The following UBE2D3 variants were observed in gnomAD, a reference collection of about 807,000 sequenced individuals.
The protein encoded by UBE2D3 is ubiquitin conjugating enzyme E2 D3.
UBE2D3 carries 2 observed loss-of-function variants against 22.8 expected under a neutral mutation model. That is an observed-to-expected ratio of 0.09 (90% confidence interval 0.04 to 0.28). UBE2D3 has a LOEUF of 0.28. UBE2D3 is among the 10% of genes least tolerant of loss of function. The pLI, the probability that UBE2D3 is intolerant of heterozygous loss-of-function variation, is 1.00. For synonymous variants in UBE2D3, 56 were observed against 60.4 expected, an observed-to-expected ratio of 0.93 and a Z score of 0.34; for missense variants, 27 against 182.5, an observed-to-expected ratio of 0.15 and a Z score of 4.91.
chr4:102,836,113 C>G (rs1731380157), intron 1 of UBE2D3, among the ~76,000 whole-genome samples: 1 of 151,280 alleles, frequency 6.6e-6, no homozygotes. Flanking sequence ...TATCCATTCA[C>G]CAGTCAGTGG....
chr4:102,826,637 C>A lies in UBE2D3; in HGVS notation c.-128-1G>T. The A allele has an allele frequency of 6.4e-7, 1 of 1,570,902 alleles. No homozygotes were observed. The highest frequency in any genetic ancestry group is 1.9e-5 in the Admixed American group (1 of 52,250). On this transcript the variant is annotated splice_acceptor_variant, in intron 1 of 7. Coordinates refer to ENST00000453744, the MANE Select transcript of UBE2D3 (RefSeq NM_181891.3). LOFTEE classifies it low-confidence loss of function (5UTR_SPLICE). ...CACCAGCTCTGCCAGACACAGGCGCCTTTTGCAAAAACGGAGCAGATCAGC... is the reference window on the plus strand; with the variant it reads ...CACCAGCTCTGCCAGACACAGGCGCATTTTGCAAAAACGGAGCAGATCAGC...
intron 1 of UBE2D3, chr4:102,827,172 CCGCGCGCGCCCGCCCAGCCACCTCCACCA>C (rs1244567276): frequency 1.0e-6 from 1 of 986,910 alleles, no homozygotes; most frequent in Non-Finnish European, 1.2e-6. Context: ...CAGCGCGCTC[CCGCGCGCGCCCGCCCAGCCACCTCCACCA>C]CGCGCCCGCG....
intron 1 of UBE2D3, among the ~76,000 whole-genome samples, chr4:102,832,712 G>GT (rs1295037407): frequency 6.6e-6 from 1 of 152,132 alleles, no homozygotes; most frequent in African/African-American, 2.4e-5. Flanking sequence ...TTATTAGAAT[G>GT]TTACAATAAA....
At position 102,802,545 on chromosome 4, in the gene UBE2D3, G is replaced by C; in HGVS notation, c.198+16C>G. On this transcript the variant is annotated intron_variant, in intron 5 of 7. Coordinates refer to ENST00000453744, the MANE Select transcript of UBE2D3 (RefSeq NM_181891.3). ...GCATAAATCTATACTAACAGATTTT[G>C]AGGGAAAATACTTGCCTTAGGTGGT... 1 of 1,588,930 alleles carries C rather than the reference G, an allele frequency of 6.3e-7. No individual in the cohort carries two copies. The highest frequency in any genetic ancestry group is 8.6e-7 in the Non-Finnish European group (1 of 1,165,738).
intron 2 of UBE2D3, 99 bp downstream of exon 2, chr4:102,826,384 GGT>G: frequency 7.1e-7 from 1 of 1,410,334 alleles, no homozygotes; most frequent in African/African-American, 1.4e-5. Flanking sequence ...TGATCCAAGA[GGT>G]ATTTTCAGAA....
chr4:102,864,513 A>G (rs917287850), intron 1 of UBE2D3, among the ~76,000 whole-genome samples: 2 of 152,210 alleles, frequency 1.3e-5, no homozygotes, highest in Non-Finnish European at 2.9e-5. Context: ...GCCAGAGTAA[A>G]GGGTCATTCA....
intron 1 of UBE2D3, among the ~76,000 whole-genome samples, chr4:102,840,927 G>A (rs559511190): frequency 4.9e-4 from 75 of 151,994 alleles, no homozygotes; most frequent in Admixed American, 9.2e-4. Context: ...TGAGGCAGGA[G>A]AATCGCTTGA....
At chr4:102,841,176 TGAG>T (rs572834082) in intron 1 of UBE2D3, among the ~76,000 whole-genome samples, 17 of 152,288 alleles carry the variant, frequency 1.1e-4, no homozygotes, top group Middle Eastern at 3.4e-3. Flanking sequence ...TATTTTTAAA[TGAG>T]GAGGGAATAC....
intron 1 of UBE2D3, among the ~76,000 whole-genome samples, chr4:102,852,066 G>A (rs1732387271): frequency 6.6e-6 from 1 of 151,928 alleles, no homozygotes; most frequent in Non-Finnish European, 1.5e-5. Flanking sequence ...TTGGCCCATG[G>A]GTCGTAAGTG....
intron 2 of UBE2D3, 148 bp from the exon 3 acceptor site, chr4:102,810,003 G>A: frequency 1.4e-6 from 1 of 690,314 alleles, no homozygotes; most frequent in Non-Finnish European, 2.5e-6. Flanking sequence ...TTAGGAGAGA[G>A]AACATGCCTG....
intron 1 of UBE2D3, among the ~76,000 whole-genome samples, chr4:102,863,330 C>T (rs910780355): frequency 5.9e-5 from 9 of 152,048 alleles, no homozygotes; most frequent in East Asian, 5.8e-4. Flanking sequence ...GGATTACAGG[C>T]GTGAGCCACC....
chr4:102,822,223 A>C (rs1729729571), intron 2 of UBE2D3, among the ~76,000 whole-genome samples: 1 of 152,222 alleles, frequency 6.6e-6, no homozygotes, highest in Non-Finnish European at 1.5e-5. Context: ...AGTGTCAGTA[A>C]TGCATCCTTT....
intron 6 of UBE2D3, among the ~76,000 whole-genome samples, chr4:102,800,116 A>T (rs1289151258): frequency 6.6e-6 from 1 of 152,076 alleles, no homozygotes; most frequent in Non-Finnish European, 1.5e-5. Context: ...GTCAAGCATT[A>T]AGGAACATAG....
chr4:102,837,753 C>T (rs367791875), intron 1 of UBE2D3, among the ~76,000 whole-genome samples: 13 of 152,284 alleles, frequency 8.5e-5, no homozygotes, highest in East Asian at 5.8e-4. Flanking sequence ...AGATCGAGAC[C>T]ATCCTGGCTA....
upstream of UBE2D3, chr4:102,828,287 G>T (rs223388): frequency 2.0e-6 from 2 of 984,190 alleles, no homozygotes. Flanking sequence ...GTCTAGCTCG[G>T]GCCGGGATTT....
At chr4:102,856,860 T>TACAGAG (rs1333730641) in intron 1 of UBE2D3, among the ~76,000 whole-genome samples, 1 of 152,150 alleles carries the variant, frequency 6.6e-6, no homozygotes, top group Non-Finnish European at 1.5e-5. Flanking sequence ...AAGGCAAAAC[T>TACAGAG]ACAGAGACAA....
chr4:102,798,999 G>T, intron 7 of UBE2D3: 1 of 1,599,206 alleles, frequency 6.3e-7, no homozygotes. Flanking sequence ...AGTACACTTA[G>T]CATTAATTAT....
chr4:102,828,852 C>T (rs1229591570), upstream of UBE2D3, among the ~76,000 whole-genome samples: 3 of 152,082 alleles, frequency 2.0e-5, no homozygotes, highest in African/African-American at 7.2e-5. Context: ...AAAAGAAAGA[C>T]CTTAATTTTT....
intron 1 of UBE2D3, among the ~76,000 whole-genome samples, chr4:102,834,471 G>A (rs535735645): frequency 2.0e-3 from 303 of 152,212 alleles, no homozygotes; most frequent in African/African-American, 6.8e-3. Context: ...ATTGAGGGCC[G>A]GGTGTGGTGG....
Sources: allele counts gnomAD v4.1 joint callset (sites outside exome capture counted in the v4.1 genomes callset), GRCh38; gene constraint gnomAD v4.1.1; transcripts MANE v1.5; gene names NCBI Gene and HGNC (gene_info 2026-07-23, HGNC 2026-07-21).